ST6GALNAC1: variants seen among roughly 807,000 people sequenced by gnomAD.
The protein encoded by ST6GALNAC1 is ST6 N-acetylgalactosaminide alpha-2,6-sialyltransferase 1, also known as alpha-N-acetylgalactosaminide alpha-2,6-sialyltransferase 1.
In ST6GALNAC1, 45 loss-of-function variants were observed where a neutral mutation model predicts 56.8. The observed-to-expected ratio is 0.79, with a 90% CI of 0.62 to 1.02. The LOEUF (loss-of-function observed/expected upper bound fraction) is 1.02. ST6GALNAC1 is among the 50% of genes least tolerant of loss of function. The pLI is 0.00. For synonymous variants in ST6GALNAC1, 295 were observed against 297.8 expected (o/e 0.99, Z 0.10); for missense variants, 743 against 754.8 (o/e 0.98, Z 0.18).
chr17:76,631,546 G>T (rs1350197737), intron 1 of ST6GALNAC1, among the ~76,000 whole-genome samples: 1 of 152,176 alleles, frequency 6.6e-6, no homozygotes, highest in Non-Finnish European at 1.5e-5. Flanking sequence ...TTGGAACCAG[G>T]AATCGCTCTC....
the ST6GALNAC1 span, among the ~76,000 whole-genome samples, chr17:76,619,302 G>A: frequency 6.6e-6 from 1 of 152,140 alleles, no homozygotes. Flanking sequence ...CACTGTTAGC[G>A]GAGTTTCGTT....
intron 1 of ST6GALNAC1, among the ~76,000 whole-genome samples, chr17:76,637,203 T>C (rs2075987093): frequency 7.7e-6 from 1 of 129,666 alleles, no homozygotes. Flanking sequence ...TGACCTTCCC[T>C]CCACTATTGT....
intron 1 of ST6GALNAC1, chr17:76,637,750 A>G (rs1479155569): frequency 2.5e-6 from 1 of 398,796 alleles, no homozygotes; most frequent in East Asian, 3.6e-5. Context: ...CAGAGGGGCA[A>G]GAAGAGCTGA....
At chr17:76,642,742 C>G (rs2076064366) in intron 1 of ST6GALNAC1, among the ~76,000 whole-genome samples, 1 of 152,050 alleles carries the variant, frequency 6.6e-6, no homozygotes, top group Admixed American at 6.6e-5. Flanking sequence ...ACCAGCCTGG[C>G]CAACATGGTG....
Position 76,629,148 on chromosome 17 carries a change from T to C in ST6GALNAC1, c.695A>G (p.Gln232Arg). ...AVIPPKEKKPQATPPPAPFQS... is the reference protein window; with the variant it reads ...AVIPPKEKKPRATPPPAPFQS... ...GAAAGGGGCAGGGGGTGGGGTGGCC[T>C]GAGGTTTCTTCTCCTTAGGTGGGAT... is the stretch of plus-strand genomic sequence containing the variant. Residue 232 changes from glutamine to arginine, a missense_variant, in exon 2 of 9, where the codon CAG becomes CGG. Gln to Arg is a conservative substitution (Grantham distance 43). Coordinates refer to ENST00000156626, the MANE Select transcript of ST6GALNAC1 (RefSeq NM_018414.5). 2 of 1,613,908 alleles carry C rather than the reference T, an allele frequency of 1.2e-6. No individual in the cohort carries two copies. The highest frequency in any genetic ancestry group is 8.5e-7 in the Non-Finnish European group (1 of 1,179,782).
intron 1 of ST6GALNAC1, among the ~76,000 whole-genome samples, chr17:76,636,769 G>A (rs1567960874): frequency 6.6e-6 from 1 of 152,154 alleles, no homozygotes; most frequent in Non-Finnish European, 1.5e-5. Context: ...TCTGGGAGGT[G>A]TACCCAACAG....
rs146997912 is a variant in ST6GALNAC1 at position 76,629,354 on chromosome 17, C to T, written c.489G>A (p.Thr163=). ...AQSWKSQDTK[T]TQGNGGQTRK... is the part of the protein sequence containing the mutation. ...TGGTCTGGCCCCCATTTCCTTGGGT[C>T]GTCTTTGTGTCCTGGCTCTTCCATG... The change falls in exon 2 of 9, where the codon ACG becomes ACA. Residue 163 remains threonine (T), a synonymous_variant. Coordinates refer to ENST00000156626, the MANE Select transcript of ST6GALNAC1 (RefSeq NM_018414.5). 6.9e-5 allele frequency: 111 copies of T among 1,614,158 alleles called. No individual in the cohort carries two copies. The African/African-American group carries it at 1.2e-3, about 18-fold the overall frequency.
chr17:76,623,995 T>C (rs950755962), downstream of ST6GALNAC1, among the ~76,000 whole-genome samples: 1 of 152,246 alleles, frequency 6.6e-6, no homozygotes, highest in Admixed American at 6.5e-5. Flanking sequence ...AAGCATTTAT[T>C]GCTTTTTATT....
In ST6GALNAC1 at chr17:76,643,299, C is replaced by T. The variant is rs149616363; in HGVS notation, c.131+209G>A. On this transcript the variant is annotated intron_variant, in intron 1 of 8. Transcript: ENST00000156626. ...AGTATCTGGACATGTCCATCCCATGCGTCTTGGTTGCCCACTGCCACCCTT... is the reference window on the plus strand; with the variant it reads ...AGTATCTGGACATGTCCATCCCATGTGTCTTGGTTGCCCACTGCCACCCTT... Among the ~76,000 whole-genome samples, 318 of 152,316 alleles carry T rather than the reference C, an allele frequency of 2.1e-3. 3 individuals carry two copies. The Middle Eastern group carries it at 0.068, about 33-fold the overall frequency.
intron 1 of ST6GALNAC1, 65 bp from the exon 2 acceptor site, chr17:76,629,776 G>GTTTT (rs1281716277): frequency 2.0e-5 from 16 of 786,530 alleles, no homozygotes; most frequent in African/African-American, 1.4e-4. Flanking sequence ...AGCATAAGTA[G>GTTTT]TTTTTTGTTT....
At position 76,626,767 on chromosome 17, in the gene ST6GALNAC1, C is replaced by A; in HGVS notation, c.1195G>T (p.Gly399Cys). 6.2e-7 allele frequency: 1 copy of A among 1,614,214 alleles called. No individual in the cohort carries two copies. Among genetic ancestry groups the A allele is most frequent in the East Asian group, 2.2e-5 (1 of 44,882 alleles). ...CGAGTCCCCACATCCTGTTCGTAGCCTTTAATGAGAGCTCCGCTCAATCTG... is the reference window on the plus strand; with the variant it reads ...CGAGTCCCCACATCCTGTTCGTAGCATTTAATGAGAGCTCCGCTCAATCTG... Reference protein sequence around the residue: ...VFRLSGALIKGYEQDVGTRTS... With the variant: ...VFRLSGALIKCYEQDVGTRTS... The change falls in exon 5 of 9, where the codon GGC becomes TGC. Residue 399 changes from glycine (G) to cysteine (C), a missense_variant. Transcript: ENST00000156626.
chr17:76,629,267 G>A lies in ST6GALNAC1; in HGVS notation c.576C>T (p.Ala192=). The change falls in exon 2 of 9, where the codon GCC becomes GCT. Residue 192 remains alanine (A), a synonymous_variant. Transcript: ENST00000156626. ...EKHQGKAATT[A]KTLIPKSQHR... ...GCTGACTTTTGGGAATGAGCGTCTT[G>A]GCTGTGGTTGCCGCTTTGCCCTGGT... 2 of 1,614,172 alleles carry A rather than the reference G, an allele frequency of 1.2e-6. No homozygotes were observed. Among genetic ancestry groups the A allele is most frequent in the Non-Finnish European group, 1.7e-6 (2 of 1,180,046 alleles).
chr17:76,619,676 A>C, the ST6GALNAC1 span, among the ~76,000 whole-genome samples: 1 of 151,214 alleles, frequency 6.6e-6, no homozygotes, highest in African/African-American at 2.4e-5. Flanking sequence ...TATTCTGAGG[A>C]TATATAATTG....
intron 1 of ST6GALNAC1, among the ~76,000 whole-genome samples, chr17:76,638,498 G>A (rs1232040484): frequency 6.6e-6 from 1 of 151,758 alleles, no homozygotes; most frequent in African/African-American, 2.4e-5. Context: ...TGTGATAAAA[G>A]CGATAATACT....
At chr17:76,642,837 C>T (rs1385899410) in intron 1 of ST6GALNAC1, among the ~76,000 whole-genome samples, 3 of 147,552 alleles carry the variant, frequency 2.0e-5, no homozygotes, top group Non-Finnish European at 4.4e-5. Flanking sequence ...GAAGCTGAGG[C>T]TTGAACCTGG....
At position 76,627,109 on chromosome 17, in the gene ST6GALNAC1, G is replaced by A; in HGVS notation, c.1130C>T (p.Ser377Phe). The change falls in exon 4 of 9, where the codon TCC becomes TTC. Residue 377 changes from serine (S) to phenylalanine (F), a missense_variant. Coordinates refer to ENST00000156626, the MANE Select transcript of ST6GALNAC1 (RefSeq NM_018414.5). The surrounding 1 kb of genome is among the most constrained non-coding windows in gnomAD (Gnocchi z 4.4). ...VVGNGGILNN[S>F]HMGQEIDSHD... The stretch of plus-strand genomic sequence containing the variant: ...ACTGTCTATCTCCTGGCCCATGTGG[G>A]AGTTGTTCAGGATGCCCCCGTTGCC... 1 of 1,582,710 alleles carries A rather than the reference G, an allele frequency of 6.3e-7. No homozygotes were observed. The highest frequency in any genetic ancestry group is 8.6e-7 in the Non-Finnish European group (1 of 1,164,720).
rs1293098438 is a variant in ST6GALNAC1 at position 76,629,784 on chromosome 17, T to TTTG, written c.132-74_132-73insCAA. On this transcript the variant is annotated intron_variant, in intron 1 of 8. Coordinates refer to ENST00000156626, the MANE Select transcript of ST6GALNAC1 (RefSeq NM_018414.5). ...GGTCAGAAGCATAAGTAGTTTTTTG[T>TTTG]TTTTTTTTTTTTTTTTGAGACACAG... The TTTG allele has an allele frequency of 1.3e-5, 6 of 470,424 alleles. No individual in the cohort carries two copies. The African/African-American group carries it at 1.3e-4, about 10-fold the overall frequency. The allele number at this position is 470,424 out of a possible 1,614,324, so 29.1% of individuals were successfully genotyped here.
At chr17:76,620,956 G>T (rs899494757), downstream of ST6GALNAC1, among the ~76,000 whole-genome samples, 7 of 151,986 alleles carry the variant, frequency 4.6e-5, no homozygotes, top group African/African-American at 1.7e-4. Context: ...TTGTCCTAAG[G>T]CTGCCTCTGT....
At position 76,625,390 on chromosome 17, in the gene ST6GALNAC1, A is replaced by G; in HGVS notation, c.1743T>C (p.Asp581=). 1 of 1,614,142 alleles carries G rather than the reference A, an allele frequency of 6.2e-7. No homozygotes were observed. Among genetic ancestry groups the G allele is most frequent in the Non-Finnish European group, 8.5e-7 (1 of 1,180,030 alleles). The change falls in exon 9 of 9, where the codon GAT becomes GAC. Residue 581 remains aspartate, a synonymous_variant. Transcript: ENST00000156626. ...LEREVWKRLH[D]EGIIRLYQRP... is the part of the protein sequence containing the mutation. ...GCTGGTACAGCCGGATTATCCCTTC[A>G]TCGTGTAGCCGCTTCCAGACTTCTC...
Sources: gnomAD v4.1 joint callset for allele counts (sites outside exome capture counted in the v4.1 genomes callset) on GRCh38, gnomAD v4.1.1 for gene constraint, Gnocchi (gnomAD v3.1) non-coding constraint, MANE v1.5 for transcripts, NCBI Gene and HGNC (gene_info 2026-07-23, HGNC 2026-07-21) for gene names.